SPRYD4: variants seen among roughly 807,000 people sequenced by gnomAD.
SPRYD4 encodes the protein SPRY domain containing 4.
In SPRYD4, 12 loss-of-function variants were observed where a neutral mutation model predicts 16.6. The observed-to-expected ratio is 0.72, with a 90% confidence interval of 0.46 to 1.17. The LOEUF (loss-of-function observed/expected upper bound fraction) is 1.17, where lower values mean the gene tolerates loss of function less well. Among genes scored for constraint, SPRYD4 ranks in the 50% most tolerant of loss-of-function variants. The pLI is 0.00. For synonymous variants in SPRYD4, 98 were observed against 105.4 expected (o/e 0.93, Z 0.43); for missense variants, 260 against 260.2 (o/e 1.00, Z 0.00).
chr12:56,479,700 C>T lies in SPRYD4; in HGVS notation c.*10123C>T, dbSNP rs1015770125. 1.9e-5 allele frequency: 28 copies of T among 1,460,394 alleles called. No individual in the cohort carries two copies. The African/African-American group carries it at 2.1e-4, about 11-fold the overall frequency. 90.5% of individuals were successfully genotyped at this position (1,460,394 alleles called of 1,614,324 possible). ...AATGAGGAATTGAACTATACAATTC[C>T]CAAATTCCTCCCTGCTCTGAGAGTC... On this transcript the variant is annotated 3_prime_UTR_variant, in exon 2 of 2. Transcript: ENST00000338146.
Position 56,476,146 on chromosome 12 carries a change from G to C in SPRYD4, c.*6569G>C. On this transcript the variant is annotated 3_prime_UTR_variant, in exon 2 of 2. Coordinates refer to ENST00000338146, the MANE Select transcript of SPRYD4 (RefSeq NM_207344.4). ...CTTCTGAAAACACCGCACTTCCATT[G>C]GCTCCTCTCTTTCTCTTTCTTTTTT... The C allele has an allele frequency of 1.6e-6, 1 of 615,366 alleles. No individual in the cohort carries two copies. The highest frequency in any genetic ancestry group is 2.8e-6 in the Non-Finnish European group (1 of 353,730). 38.1% of individuals were successfully genotyped at this position (615,366 alleles called of 1,614,324 possible).
rs750259305 is a variant in SPRYD4 at position 56,475,003 on chromosome 12, A to G, written c.*5426A>G. The G allele has an allele frequency of 1.2e-5, 20 of 1,613,856 alleles. No homozygotes were observed. The highest frequency in any genetic ancestry group is 3.4e-4 in the Middle Eastern group (2 of 5,930). On this transcript the variant is annotated 3_prime_UTR_variant, in exon 2 of 2. Transcript: ENST00000338146. ...CCCCTACTGCCCTTCCACTAGCAGCAGAATTCCCAGGGACTTTCTCTTCCG... is the reference window on the plus strand; with the variant it reads ...CCCCTACTGCCCTTCCACTAGCAGCGGAATTCCCAGGGACTTTCTCTTCCG...
chr12:56,469,755 C>G lies in SPRYD4; in HGVS notation c.*178C>G, dbSNP rs1158812549. ...ACCTTGTGAAAGCTAGGCATACAGC[C>G]AAACCCTCCTTTTCCCCACCCACCA... On this transcript the variant is annotated 3_prime_UTR_variant, in exon 2 of 2. Coordinates refer to ENST00000338146, the MANE Select transcript of SPRYD4 (RefSeq NM_207344.4). The G allele has an allele frequency of 1.5e-6, 1 of 649,820 alleles. No homozygotes were observed. Among genetic ancestry groups the G allele is most frequent in the African/African-American group, 1.9e-5 (1 of 52,274 alleles). 40.3% of individuals were successfully genotyped at this position (649,820 alleles called of 1,614,324 possible).
At position 56,478,949 on chromosome 12, in the gene SPRYD4, A is replaced by G; in HGVS notation, c.*9372A>G. 4 of 1,429,348 alleles carry G rather than the reference A, an allele frequency of 2.8e-6. No homozygotes were observed. Among genetic ancestry groups the G allele is most frequent in the Non-Finnish European group, 3.7e-6 (4 of 1,068,968 alleles). The allele number at this position is 1,429,348 out of a possible 1,614,324, so 88.5% of individuals were successfully genotyped here. A position where few individuals can be genotyped will look rare whatever the true frequency, so the allele number is the denominator to read the frequency against. Reference sequence around the variant, plus strand: ...CAGTGAGCTGAGATTGCACCATTGCACTCCAGCCCGGGTGACAGAGCAAAA... The same window carrying G: ...CAGTGAGCTGAGATTGCACCATTGCGCTCCAGCCCGGGTGACAGAGCAAAA... On this transcript the variant is annotated 3_prime_UTR_variant, in exon 2 of 2. Transcript: ENST00000338146.
At position 56,476,135 on chromosome 12, in the gene SPRYD4, G is replaced by T; in HGVS notation, c.*6558G>T. The T allele has an allele frequency of 1.5e-6, 1 of 652,588 alleles. No homozygotes were observed. The allele number at this position is 652,588 out of a possible 1,614,324, so 40.4% of individuals were successfully genotyped here. A position where few individuals can be genotyped will look rare whatever the true frequency, so the allele number is the denominator to read the frequency against. On this transcript the variant is annotated 3_prime_UTR_variant, in exon 2 of 2. Coordinates refer to ENST00000338146, the MANE Select transcript of SPRYD4 (RefSeq NM_207344.4). ...CTTTTTTTATCCTTCTGAAAACACC[G>T]CACTTCCATTGGCTCCTCTCTTTCT...
At position 56,474,287 on chromosome 12, in the gene SPRYD4, C is replaced by T; in HGVS notation, c.*4710C>T. 1 of 456,108 alleles carries T rather than the reference C, an allele frequency of 2.2e-6. No individual in the cohort carries two copies. Among genetic ancestry groups the T allele is most frequent in the Non-Finnish European group, 4.0e-6 (1 of 248,384 alleles). The allele number at this position is 456,108 out of a possible 1,614,324, so 28.3% of individuals were successfully genotyped here. A position where few individuals can be genotyped will look rare whatever the true frequency, so the allele number is the denominator to read the frequency against. On this transcript the variant is annotated 3_prime_UTR_variant, in exon 2 of 2. Coordinates refer to ENST00000338146, the MANE Select transcript of SPRYD4 (RefSeq NM_207344.4). ...TGTATTTAGTAGAGATGGGGTTTCA[C>T]CATGTAGGTCAGGCTGGTCTCGAAC...
rs371631854 is a variant in SPRYD4 at position 56,479,067 on chromosome 12, C to T, written c.*9490C>T. The T allele has an allele frequency of 9.3e-6, 15 of 1,613,658 alleles. No homozygotes were observed. The highest frequency in any genetic ancestry group is 1.3e-5 in the Non-Finnish European group (15 of 1,179,934). The stretch of plus-strand genomic sequence containing the variant: ...TGACTCTCACTTTGCCTCCAGTGAG[C>T]TCTTTGACATCCTCAAAGATGCGAT... On this transcript the variant is annotated 3_prime_UTR_variant, in exon 2 of 2. Transcript: ENST00000338146.
chr12:56,474,797 G>A lies in SPRYD4; in HGVS notation c.*5220G>A. On this transcript the variant is annotated 3_prime_UTR_variant, in exon 2 of 2. Transcript: ENST00000338146. ...CCTCGGGTGTAGGGAAAGGGCAAGG[G>A]CAAGGACAGTCTGTCCTGTTCCCTC... 1 of 1,612,838 alleles carries A rather than the reference G, an allele frequency of 6.2e-7. No homozygotes were observed. The highest frequency in any genetic ancestry group is 8.5e-7 in the Non-Finnish European group (1 of 1,179,318).
rs772118331 is a variant in SPRYD4 at position 56,475,659 on chromosome 12, CATTTTGTTGAG to C, written c.*6085_*6095del. 6.2e-7 allele frequency: 1 copy of C among 1,614,180 alleles called. No homozygotes were observed. The highest frequency in any genetic ancestry group is 1.3e-5 in the African/African-American group (1 of 75,044). On this transcript the variant is annotated 3_prime_UTR_variant, in exon 2 of 2. Transcript: ENST00000338146. The stretch of plus-strand genomic sequence containing the variant: ...TGAAACCCATGTATTCATTCCCAGC[CATTTTGTTGAG>C]ATACTGCAACACCTGGAAGAGAAAA...
At position 56,474,426 on chromosome 12, in the gene SPRYD4, C is replaced by A; in HGVS notation, c.*4849C>A. The A allele has an allele frequency of 1.5e-6, 2 of 1,291,068 alleles. No homozygotes were observed. The highest frequency in any genetic ancestry group is 2.7e-5 in the South Asian group (2 of 74,160). 80.0% of individuals were successfully genotyped at this position (1,291,068 alleles called of 1,614,324 possible). Reference sequence around the variant, plus strand: ...TAAGGAGTCTCAACCTAATTGCCTTCCTGGAAGTTAGTGAATGAGAGGCAG... The same window carrying A: ...TAAGGAGTCTCAACCTAATTGCCTTACTGGAAGTTAGTGAATGAGAGGCAG... On this transcript the variant is annotated 3_prime_UTR_variant, in exon 2 of 2. Transcript: ENST00000338146.
At position 56,475,683 on chromosome 12, in the gene SPRYD4, C is replaced by T; in HGVS notation, c.*6106C>T. ...CCATTTTGTTGAGATACTGCAACAC[C>T]TGGAAGAGAAAAAGGGACATTGAGG... On this transcript the variant is annotated 3_prime_UTR_variant, in exon 2 of 2. Coordinates refer to ENST00000338146, the MANE Select transcript of SPRYD4 (RefSeq NM_207344.4). The T allele has an allele frequency of 6.2e-7, 1 of 1,614,102 alleles. No homozygotes were observed. The highest frequency in any genetic ancestry group is 8.5e-7 in the Non-Finnish European group (1 of 1,179,996).
In SPRYD4 at chr12:56,475,015, G is replaced by T; in HGVS notation, c.*5438G>T. On this transcript the variant is annotated 3_prime_UTR_variant, in exon 2 of 2. Coordinates refer to ENST00000338146, the MANE Select transcript of SPRYD4 (RefSeq NM_207344.4). ...TTCCACTAGCAGCAGAATTCCCAGGGACTTTCTCTTCCGGCCTCTTCTGGT... is the reference window on the plus strand; with the variant it reads ...TTCCACTAGCAGCAGAATTCCCAGGTACTTTCTCTTCCGGCCTCTTCTGGT... The T allele has an allele frequency of 6.2e-7, 1 of 1,613,928 alleles. No individual in the cohort carries two copies. The highest frequency in any genetic ancestry group is 2.2e-5 in the East Asian group (1 of 44,878).
At position 56,477,759 on chromosome 12, in the gene SPRYD4, A is replaced by C. The variant is rs1306258513; in HGVS notation, c.*8182A>C. Reference sequence around the variant, plus strand: ...CCACCAAGAGTCTTAGCCACTGAACAAAGCCTCCCTGACAGCCCGCTCACT... The same window carrying C: ...CCACCAAGAGTCTTAGCCACTGAACCAAGCCTCCCTGACAGCCCGCTCACT... On this transcript the variant is annotated 3_prime_UTR_variant, in exon 2 of 2. Coordinates refer to ENST00000338146, the MANE Select transcript of SPRYD4 (RefSeq NM_207344.4). 6.3e-7 allele frequency: 1 copy of C among 1,591,256 alleles called. No homozygotes were observed. Among genetic ancestry groups the C allele is most frequent in the Admixed American group, 1.8e-5 (1 of 56,554 alleles).
chr12:56,473,767 A>C lies in SPRYD4; in HGVS notation c.*4190A>C. ...TTACTCCTGTCCTTTCCTTCCCTTA[A>C]ATTCATTGATTCAGCTAGAAAATAT... On this transcript the variant is annotated 3_prime_UTR_variant, in exon 2 of 2. Coordinates refer to ENST00000338146, the MANE Select transcript of SPRYD4 (RefSeq NM_207344.4). The C allele has an allele frequency of 1.4e-6, 1 of 705,398 alleles. No individual in the cohort carries two copies. The highest frequency in any genetic ancestry group is 2.2e-6 in the Non-Finnish European group (1 of 462,772). 43.7% of individuals were successfully genotyped at this position (705,398 alleles called of 1,614,324 possible).
At position 56,478,312 on chromosome 12, in the gene SPRYD4, C is replaced by T. The variant is rs1870005744; in HGVS notation, c.*8735C>T. On this transcript the variant is annotated 3_prime_UTR_variant, in exon 2 of 2. Transcript: ENST00000338146. ...GGGAGATGGATGTGGAGAAGAGGAA[C>T]AGAGTTGAGGTTGAGGGTCAAGAGA... 3.8e-6 allele frequency: 6 copies of T among 1,577,662 alleles called. No homozygotes were observed. In the South Asian group the frequency reaches 6.7e-5, roughly 17 times the overall value.
At position 56,477,548 on chromosome 12, in the gene SPRYD4, C is replaced by G. The variant is rs1031478292; in HGVS notation, c.*7971C>G. The G allele has an allele frequency of 6.8e-5, 76 of 1,122,768 alleles. No homozygotes were observed. In the Admixed American group the frequency reaches 1.6e-3, roughly 24 times the overall value. 69.6% of individuals were successfully genotyped at this position (1,122,768 alleles called of 1,614,324 possible). A position where few individuals can be genotyped will look rare whatever the true frequency, so the allele number is the denominator to read the frequency against. On this transcript the variant is annotated 3_prime_UTR_variant, in exon 2 of 2. Coordinates refer to ENST00000338146, the MANE Select transcript of SPRYD4 (RefSeq NM_207344.4). ...GCCTCATGTGCCTTCTGGGGACCCT[C>G]AAAGGAATCAGAGCCCCACCAGTCT...
rs1211414574 is a variant in SPRYD4, at chr12:56,474,210, C to T, written c.*4633C>T. The T allele has an allele frequency of 3.2e-6, 1 of 316,016 alleles. No homozygotes were observed. Among genetic ancestry groups the T allele is most frequent in the Non-Finnish European group, 6.0e-6 (1 of 166,076 alleles). 19.6% of individuals were successfully genotyped at this position (316,016 alleles called of 1,614,324 possible). On this transcript the variant is annotated 3_prime_UTR_variant, in exon 2 of 2. Transcript: ENST00000338146. ...CAGGTTCAAGCACTTCTGCCTCAGC[C>T]TCCCAAGTAGCTGGGATTACAGGTG...
rs561273127 is a variant in SPRYD4 at position 56,474,178 on chromosome 12, T to C, written c.*4601T>C. On this transcript the variant is annotated 3_prime_UTR_variant, in exon 2 of 2. Coordinates refer to ENST00000338146, the MANE Select transcript of SPRYD4 (RefSeq NM_207344.4). ...CACAATCTCGGCTCAGTGCAACCTCTGCCTCCCAGGTTCAAGCACTTCTGC... is the reference window on the plus strand; with the variant it reads ...CACAATCTCGGCTCAGTGCAACCTCCGCCTCCCAGGTTCAAGCACTTCTGC... The C allele has an allele frequency of 4.7e-4, 126 of 270,440 alleles. 1 individual carries two copies. The highest frequency in any genetic ancestry group is 2.7e-3 in the African/African-American group (120 of 43,674). The allele number at this position is 270,440 out of a possible 1,614,324, so 16.8% of individuals were successfully genotyped here.
chr12:56,472,072 A>C lies in SPRYD4; in HGVS notation c.*2495A>C, dbSNP rs151170843. ...TGAAGGTACTTTTGGTGAAAAAGAAAGGGTCTTATGATTACCCTCCTCCTC... is the reference window on the plus strand; with the variant it reads ...TGAAGGTACTTTTGGTGAAAAAGAACGGGTCTTATGATTACCCTCCTCCTC... On this transcript the variant is annotated 3_prime_UTR_variant, in exon 2 of 2. Transcript: ENST00000338146. 8.8e-6 allele frequency: 14 copies of C among 1,587,398 alleles called. No homozygotes were observed. The Admixed American group carries it at 1.9e-4, about 21-fold the overall frequency.
Sources: gnomAD v4.1 joint callset for allele counts on GRCh38, gnomAD v4.1.1 for gene constraint, MANE v1.5 for transcripts, NCBI Gene and HGNC (gene_info 2026-07-23, HGNC 2026-07-21) for gene names.